REEP3: variants seen among roughly 807,000 people sequenced by gnomAD.
The protein encoded by REEP3 is receptor accessory protein 3.
REEP3 carries 20 observed loss-of-function variants against 41.3 expected under a neutral mutation model. That is an observed-to-expected ratio of 0.48 (90% CI 0.34 to 0.70). REEP3 has a LOEUF of 0.70. REEP3 is among the 30% of genes least tolerant of loss of function. The pLI, the probability that REEP3 is intolerant of heterozygous loss-of-function variation, is 0.01. For synonymous variants in REEP3, 104 were observed against 101.8 expected (o/e 1.02, Z -0.13); for missense variants, 271 against 308.8 (o/e 0.88, Z 0.92).
At chr10:63,592,319 T>C (rs1271177719) in intron 2 of REEP3, among the ~76,000 whole-genome samples, 2 of 152,240 alleles carry the variant, frequency 1.3e-5, no homozygotes, top group Admixed American at 1.3e-4. Flanking sequence ...ATATTACTTA[T>C]TTTCAAACCC....
At chr10:63,556,818 G>A (rs1955691481) in intron 1 of REEP3, among the ~76,000 whole-genome samples, 1 of 149,966 alleles carries the variant, frequency 6.7e-6, no homozygotes, top group South Asian at 2.1e-4. Context: ...TGTATTTTTA[G>A]TAGAGACGGG....
chr10:63,521,597 C>G lies in REEP3; in HGVS notation c.32+20C>G. The G allele has an allele frequency of 7.1e-7, 1 of 1,402,642 alleles. No individual in the cohort carries two copies. Among genetic ancestry groups the G allele is most frequent in the Non-Finnish European group, 9.4e-7 (1 of 1,064,500 alleles). 86.9% of individuals were successfully genotyped at this position (1,402,642 alleles called of 1,614,324 possible). On this transcript the variant is annotated intron_variant, in intron 1 of 7. Coordinates refer to ENST00000373758, the MANE Select transcript of REEP3 (RefSeq NM_001001330.3). ...CGTGGTGTAAGTGCCTCTCACTGCG[C>G]CCTGCAGCCGGCGCGAGGCCCAGGG...
chr10:63,608,694 G>C lies in REEP3; in HGVS notation c.418-1493G>C, dbSNP rs74725341. ...TGCAAATTTAAAGTAGGTAAATTTAGAATTTTTTTTTCTTTTTTTGCTTTT... is the reference window on the plus strand; with the variant it reads ...TGCAAATTTAAAGTAGGTAAATTTACAATTTTTTTTTCTTTTTTTGCTTTT... On this transcript the variant is annotated intron_variant, in intron 5 of 7. Coordinates refer to ENST00000373758, the MANE Select transcript of REEP3 (RefSeq NM_001001330.3). Among the ~76,000 whole-genome samples, 24 of 152,210 alleles carry C rather than the reference G, an allele frequency of 1.6e-4. 1 individual carries two copies. The East Asian group carries it at 4.6e-3, about 29-fold the overall frequency.
At chr10:63,593,646 T>C (rs1331172695) in intron 2 of REEP3, among the ~76,000 whole-genome samples, 1 of 152,182 alleles carries the variant, frequency 6.6e-6, no homozygotes, top group Non-Finnish European at 1.5e-5. Context: ...TCCAGTGCAC[T>C]TGAGAGACAA....
Position 63,528,963 on chromosome 10 carries a change from T to G in REEP3, c.32+7386T>G, listed in dbSNP as rs58871298. 9.2e-3 allele frequency among the ~76,000 whole-genome samples: 1,399 copies of G among 152,338 alleles called. 18 individuals are homozygous for G. The highest frequency in any genetic ancestry group is 0.031 in the African/African-American group (1,280 of 41,554). On this transcript the variant is annotated intron_variant, in intron 1 of 7. Transcript: ENST00000373758. Reference sequence around the variant, plus strand: ...TCATCTGTCCTCTCCAACTAGAAAATAGTCTCCATGAGAGAAGTCTTTTCT... The same window carrying G: ...TCATCTGTCCTCTCCAACTAGAAAAGAGTCTCCATGAGAGAAGTCTTTTCT...
intron 1 of REEP3, among the ~76,000 whole-genome samples, chr10:63,537,605 A>C (rs1337392060): frequency 6.6e-6 from 1 of 152,212 alleles, no homozygotes; most frequent in Non-Finnish European, 1.5e-5. Context: ...AGTCAGGACC[A>C]AGATATCTAC....
rs188566989 is a variant in REEP3 at position 63,542,318 on chromosome 10, C to T, written c.32+20741C>T. Reference sequence around the variant, plus strand: ...CTCGAACTCCTGACCTCAGGTGATCCACCCGCCTCTGTCTCCCAAAGTGCT... The same window carrying T: ...CTCGAACTCCTGACCTCAGGTGATCTACCCGCCTCTGTCTCCCAAAGTGCT... On this transcript the variant is annotated intron_variant, in intron 1 of 7. Coordinates refer to ENST00000373758, the MANE Select transcript of REEP3 (RefSeq NM_001001330.3). Among the ~76,000 whole-genome samples, 954 of 152,248 alleles carry T rather than the reference C, an allele frequency of 6.3e-3. 3 individuals are homozygous for T. The highest frequency in any genetic ancestry group is 0.011 in the Admixed American group (171 of 15,298).
chr10:63,523,922 A>C (rs1381073280), intron 1 of REEP3, among the ~76,000 whole-genome samples: 2 of 152,212 alleles, frequency 1.3e-5, no homozygotes, highest in Admixed American at 1.3e-4. Context: ...GAAGACAAGG[A>C]GACTCCTTAG....
At chr10:63,548,102 T>G (rs982451665) in intron 1 of REEP3, among the ~76,000 whole-genome samples, 36 of 152,226 alleles carry the variant, frequency 2.4e-4, no homozygotes, top group African/African-American at 8.0e-4. Flanking sequence ...GTAACCAGCC[T>G]GTGTTCAGCG....
chr10:63,610,288 A>T lies in REEP3; in HGVS notation c.519A>T (p.Leu173=). The change falls in exon 6 of 8, where the codon CTA becomes CTT. Residue 173 remains leucine, a synonymous_variant. Coordinates refer to ENST00000373758, the MANE Select transcript of REEP3 (RefSeq NM_001001330.3). ...TGGGACAAAGACCATACCAACCTCTACCAGAAGCAAAAAAGAAAAGTAAAC... is the reference window on the plus strand; with the variant it reads ...TGGGACAAAGACCATACCAACCTCTTCCAGAAGCAAAAAAGAAAAGTAAAC... ...EPVGQRPYQP[L]PEAKKKSKPA... is the part of the protein sequence containing the mutation. 1 of 1,574,278 alleles carries T rather than the reference A, an allele frequency of 6.4e-7. No individual in the cohort carries two copies. The highest frequency in any genetic ancestry group is 1.2e-5 in the South Asian group (1 of 86,254).
intron 1 of REEP3, among the ~76,000 whole-genome samples, chr10:63,555,471 A>G (rs6479905): frequency 0.47 from 71,854 of 152,072 alleles, 17,284 homozygotes; most frequent in Middle Eastern, 0.55. Flanking sequence ...GATGGCTGCC[A>G]TGGCAGAAAA....
intron 2 of REEP3, among the ~76,000 whole-genome samples, chr10:63,585,936 G>C (rs141516828): frequency 6.6e-6 from 1 of 152,056 alleles, no homozygotes; most frequent in East Asian, 1.9e-4. Flanking sequence ...CTTACTTTTT[G>C]TTTGCTTTAT....
intron 5 of REEP3, among the ~76,000 whole-genome samples, chr10:63,608,374 C>A (rs1377745825): frequency 1.3e-5 from 2 of 152,122 alleles, no homozygotes; most frequent in Non-Finnish European, 2.9e-5. Flanking sequence ...ATGGAAATGG[C>A]ATTTGGTTTT....
intron 1 of REEP3, among the ~76,000 whole-genome samples, chr10:63,566,040 C>A (rs1176615913): frequency 1.3e-5 from 2 of 151,942 alleles, no homozygotes; most frequent in African/African-American, 4.8e-5. Flanking sequence ...ACACCCGCCA[C>A]GCCCGGCTAA....
chr10:63,617,162 C>T (rs945907641), intron 6 of REEP3, among the ~76,000 whole-genome samples: 1 of 152,174 alleles, frequency 6.6e-6, no homozygotes, highest in Non-Finnish European at 1.5e-5. Context: ...CCACCCGGAA[C>T]ACACACACTT....
At chr10:63,536,837 TA>T (rs1955479299) in intron 1 of REEP3, among the ~76,000 whole-genome samples, 1 of 152,122 alleles carries the variant, frequency 6.6e-6, no homozygotes, top group African/African-American at 2.4e-5. Context: ...TTGCAAAAAT[TA>T]AGAAGTCTGA....
intron 1 of REEP3, among the ~76,000 whole-genome samples, chr10:63,523,150 A>G (rs951804688): frequency 1.3e-5 from 2 of 152,190 alleles, no homozygotes; most frequent in African/African-American, 2.4e-5. Context: ...GGTGCTACCT[A>G]TAACACAAAG....
rs796820519 is a variant in REEP3 at position 63,537,380 on chromosome 10, CAA to C, written c.32+15804_32+15805del. On this transcript the variant is annotated intron_variant, in intron 1 of 7. Coordinates refer to ENST00000373758, the MANE Select transcript of REEP3 (RefSeq NM_001001330.3). The stretch of plus-strand genomic sequence containing the variant: ...TAGCAAGTCTATTTTTCAGAAAAGA[CAA>C]TAATGATAAATTATAGGATAGGGGT... Among the ~76,000 whole-genome samples, 8 of 152,058 alleles carry C rather than the reference CAA, an allele frequency of 5.3e-5. 1 individual carries two copies. The highest frequency in any genetic ancestry group is 1.9e-4 in the African/African-American group (8 of 41,492).
In REEP3 at chr10:63,533,710, C is replaced by CTTTTTTTTTTTT. The variant is rs71025187; in HGVS notation, c.32+12137_32+12148dup. 1.4e-4 allele frequency among the ~76,000 whole-genome samples: 14 copies of CTTTTTTTTTTTT among 101,062 alleles called. 2 individuals are homozygous for CTTTTTTTTTTTT. Among genetic ancestry groups the CTTTTTTTTTTTT allele is most frequent in the Non-Finnish European group, 2.4e-4 (11 of 46,356 alleles). The allele number at this position is 101,062 out of a possible 152,430, so 66.3% of individuals were successfully genotyped here. On this transcript the variant is annotated intron_variant, in intron 1 of 7. Transcript: ENST00000373758. ...GAAAGAGCCTTGGAAGTATGTAAAT[C>CTTTTTTTTTTTT]TTTTTTTTTTTTTTTGAGACGGAGT...
Sources: gnomAD v4.1 joint callset for allele counts (sites outside exome capture counted in the v4.1 genomes callset) on GRCh38, gnomAD v4.1.1 for gene constraint, MANE v1.5 for transcripts, NCBI Gene and HGNC (gene_info 2026-07-23, HGNC 2026-07-21) for gene names.